The following ATG9B variants were observed in gnomAD, a reference collection of about 807,000 sequenced individuals.
The protein encoded by ATG9B is autophagy-related protein 9B.
In ATG9B, 92 loss-of-function variants were observed where a neutral mutation model predicts 92.9. The observed-to-expected ratio is 0.99, with a 90% confidence interval of 0.84 to 1.18. The LOEUF (loss-of-function observed/expected upper bound fraction) is 1.18, where lower values mean the gene tolerates loss of function less well. Among genes scored for constraint, ATG9B ranks in the 50% most tolerant of loss-of-function variants. The probability of loss-of-function intolerance (pLI) is 0.00; values close to 1 mark genes in which losing one functional copy is unlikely to be tolerated. For synonymous variants in ATG9B, 599 were observed against 551.4 expected (o/e 1.09, Z -1.21); for missense variants, 1,344 against 1,235.0 (o/e 1.09, Z -1.32).
downstream of ATG9B, chr7:151,014,613 G>GT (rs1016402988): frequency 0.025 from 3,346 of 134,290 alleles, 89 homozygotes; most frequent in African/African-American, 0.072. Context: ...TTTTTTTTTT[G>GT]TTTTTTTTTT....
chr7:151,013,438 C>T (rs935103188), downstream of ATG9B: 3 of 1,548,688 alleles, frequency 1.9e-6, no homozygotes, highest in South Asian at 1.2e-5. Flanking sequence ...GGAGGACTCG[C>T]GCTCTCCAGC....
At chr7:151,022,466 G>GAT (rs1285568446) in intron 4 of ATG9B, among the ~76,000 whole-genome samples, 13 of 151,028 alleles carry the variant, frequency 8.6e-5, no homozygotes, top group African/African-American at 2.9e-4. Context: ...GTAAAATGTG[G>GAT]ATAGATACGA....
At position 151,024,443 on chromosome 7, in the gene ATG9B, A is replaced by G. The variant is rs1795884371; in HGVS notation, c.-20T>C. ...CACCATCAGGCCACGGCTTCTCCAG[A>G]AAGGTTGGAAGGATGGGAGCTGTTG... On this transcript the variant is annotated 5_prime_UTR_variant, in exon 1 of 14. Transcript: ENST00000639579. 7.5e-7 allele frequency: 1 copy of G among 1,326,368 alleles called. No individual in the cohort carries two copies. Among genetic ancestry groups the G allele is most frequent in the Admixed American group, 3.2e-5 (1 of 31,494 alleles). 82.2% of individuals were successfully genotyped at this position (1,326,368 alleles called of 1,614,324 possible).
rs1795458148 is a variant in ATG9B, at chr7:151,015,881, C to T, written c.*14+1G>A. 1 of 1,550,640 alleles carries T rather than the reference C, an allele frequency of 6.4e-7. No homozygotes were observed. Among genetic ancestry groups the T allele is most frequent in the Non-Finnish European group, 8.7e-7 (1 of 1,146,518 alleles). ...CTCCCCTCACAGGAGGCAATACTGA[C>T]CCTGAGGAGTCGTCTCAGTCAGTGC... On this transcript the variant is annotated splice_donor_variant, in intron 13 of 13. Coordinates refer to ENST00000639579, the MANE Select transcript of ATG9B (RefSeq NM_001317056.2). LOFTEE classifies it low-confidence loss of function (3UTR_SPLICE).
In ATG9B at chr7:151,023,869, C is replaced by A. The variant is rs1446758491; in HGVS notation, c.550+5G>T. ...ACCCTCTCCCACCCACACCCACACA[C>A]ATACCTCGGAGCCCTTCAGGGACAT... is the stretch of plus-strand genomic sequence containing the variant. On this transcript the variant is annotated splice_donor_5th_base_variant and intron_variant, in intron 1 of 13. Coordinates refer to ENST00000639579, the MANE Select transcript of ATG9B (RefSeq NM_001317056.2). The A allele has an allele frequency of 6.2e-7, 1 of 1,610,918 alleles. No individual in the cohort carries two copies. The highest frequency in any genetic ancestry group is 8.5e-7 in the Non-Finnish European group (1 of 1,178,746).
rs2117180132 is a variant in ATG9B at position 151,024,058 on chromosome 7, C to G, written c.366G>C (p.Leu122=). Residue 122 remains leucine, a synonymous_variant, in exon 1 of 14, where the codon CTG becomes CTC. Coordinates refer to ENST00000639579, the MANE Select transcript of ATG9B (RefSeq NM_001317056.2). The part of the protein sequence containing the change: ...PSWGSHSTPP[L]APATPTPSQQ... Reference sequence around the variant, plus strand: ...GTGAGGGAGTGGGGGTTGCCGGGGCCAGGGGTGGGGTGGAGTGGGATCCCC... The same window carrying G: ...GTGAGGGAGTGGGGGTTGCCGGGGCGAGGGGTGGGGTGGAGTGGGATCCCC... The G allele has an allele frequency of 1.3e-6, 2 of 1,591,498 alleles. No individual in the cohort carries two copies. The highest frequency in any genetic ancestry group is 1.7e-6 in the Non-Finnish European group (2 of 1,169,356).
chr7:151,021,838 A>G (rs926638016), intron 4 of ATG9B, among the ~76,000 whole-genome samples: 11 of 150,700 alleles, frequency 7.3e-5, no homozygotes, highest in Non-Finnish European at 1.3e-4. Context: ...TTTAGTAGAG[A>G]CAGGGTTTCA....
rs1208501523 is a variant in ATG9B, at chr7:151,019,007, G to A, written c.1331C>T (p.Ala444Val). 2 of 1,562,868 alleles carry A rather than the reference G, an allele frequency of 1.3e-6. No individual in the cohort carries two copies. The highest frequency in any genetic ancestry group is 2.7e-5 in the African/African-American group (2 of 73,300). ...RWGRTVLLLAALNLALSPLVL... is the reference protein window; with the variant it reads ...RWGRTVLLLAVLNLALSPLVL... ...CAGCGGGCTCAGCGCCAGGTTCAGG[G>A]CGGCCAGCAGCAGCACTGTGCGCCC... The change falls in exon 6 of 14, where the codon GCC (alanine) becomes GTC (valine). Residue 444 changes from alanine to valine, a missense_variant. Coordinates refer to ENST00000639579, the MANE Select transcript of ATG9B (RefSeq NM_001317056.2).
rs777257849 is a variant in ATG9B at position 151,017,942 on chromosome 7, CAGTGA to C, written c.1976_1980del (p.Phe659CysfsTer32). On this transcript the variant is annotated frameshift_variant, in exon 8 of 14. Transcript: ENST00000639579. LOFTEE classifies it high-confidence loss of function. ...ATGTCCCCAACCCCAGCCACATCCA[CAGTGA>C]AGTGATGAAAAAAGTCGATAATCTC... 1 of 1,609,666 alleles carries C rather than the reference CAGTGA, an allele frequency of 6.2e-7. No homozygotes were observed. Among genetic ancestry groups the C allele is most frequent in the Non-Finnish European group, 8.5e-7 (1 of 1,177,992 alleles).
chr7:151,020,562 G>A (rs1175444448), intron 5 of ATG9B, among the ~76,000 whole-genome samples: 1 of 152,232 alleles, frequency 6.6e-6, no homozygotes, highest in African/African-American at 2.4e-5. Flanking sequence ...AGGGGAGCAA[G>A]GGAAGCAAGC....
Position 151,018,897 on chromosome 7 carries a change from A to T in ATG9B, c.1441T>A (p.Trp481Arg). Residue 481 changes from tryptophan (W) to arginine (R), a missense_variant, in exon 6 of 14, where the codon TGG (tryptophan) becomes AGG (arginine). Trp to Arg is a moderately radical substitution (Grantham distance 101). Coordinates refer to ENST00000639579, the MANE Select transcript of ATG9B (RefSeq NM_001317056.2). This position sits in a 1 kb window ranked among gnomAD's most constrained non-coding sequence, Gnocchi z 4.7. The part of the protein sequence containing the change: ...REPGALGARG[W>R]SRLARLQLRH... ...AGCTGCAAGCGCGCCAGGCGGGACC[A>T]GCCGCGCGCCCCCAGCGCGCCAGGC... 1 of 1,463,174 alleles carries T rather than the reference A, an allele frequency of 6.8e-7. No individual in the cohort carries two copies. The highest frequency in any genetic ancestry group is 9.0e-7 in the Non-Finnish European group (1 of 1,116,280). 90.6% of individuals were successfully genotyped at this position (1,463,174 alleles called of 1,614,324 possible).
In ATG9B at chr7:151,017,219, G is replaced by A. The variant is rs1238049108; in HGVS notation, c.2106C>T (p.Gly702=). The change falls in exon 9 of 14, where the codon GGC becomes GGT. Residue 702 remains glycine, a synonymous_variant. Coordinates refer to ENST00000639579, the MANE Select transcript of ATG9B (RefSeq NM_001317056.2). ...ACCGCATCAAAGAAAGCTCAGTCTTGCCGTCCTCCGCACGCTGAGACAGCG... is the reference window on the plus strand; with the variant it reads ...ACCGCATCAAAGAAAGCTCAGTCTTACCGTCCTCCGCACGCTGAGACAGCG... ...EASLSQRAED[G]KTELSLMRFS... 1.2e-6 allele frequency: 2 copies of A among 1,611,746 alleles called. No individual in the cohort carries two copies. The highest frequency in any genetic ancestry group is 1.1e-5 in the South Asian group (1 of 90,954).
rs1411725906 is a variant in ATG9B at position 151,015,236 on chromosome 7, A to C, written c.*492T>G. On this transcript the variant is annotated 3_prime_UTR_variant, in exon 14 of 14. Transcript: ENST00000639579. The stretch of plus-strand genomic sequence containing the variant: ...TTCCTGGGACATCACACCCGTACTG[A>C]AGTCCAAAAACATCATCCCTCCCGT... The C allele has an allele frequency of 1.3e-5, 2 of 152,268 alleles. No homozygotes were observed. The highest frequency in any genetic ancestry group is 2.9e-5 in the Non-Finnish European group (2 of 68,090). 9.4% of individuals were successfully genotyped at this position (152,268 alleles called of 1,614,324 possible).
At position 151,015,888 on chromosome 7, in the gene ATG9B, G is replaced by A. The variant is rs1479040473; in HGVS notation, c.*8C>T. Reference sequence around the variant, plus strand: ...CACAGGAGGCAATACTGACCCTGAGGAGTCGTCTCAGTCAGTGCAAGAGGC... The same window carrying A: ...CACAGGAGGCAATACTGACCCTGAGAAGTCGTCTCAGTCAGTGCAAGAGGC... On this transcript the variant is annotated 3_prime_UTR_variant, in exon 13 of 14. Coordinates refer to ENST00000639579, the MANE Select transcript of ATG9B (RefSeq NM_001317056.2). The A allele has an allele frequency of 6.4e-7, 1 of 1,550,986 alleles. No homozygotes were observed.
chr7:151,018,112 CCAAG>C lies in ATG9B; in HGVS notation c.1873-66_1873-63del. 6.7e-7 allele frequency: 1 copy of C among 1,502,176 alleles called. No individual in the cohort carries two copies. Among genetic ancestry groups the C allele is most frequent in the Non-Finnish European group, 8.9e-7 (1 of 1,123,344 alleles). The allele number at this position is 1,502,176 out of a possible 1,614,324, so 93.1% of individuals were successfully genotyped here. A position where few individuals can be genotyped will look rare whatever the true frequency, so the allele number is the denominator to read the frequency against. The stretch of plus-strand genomic sequence containing the variant: ...GAGGGGCCCACGCGCGTTATCAGGA[CCAAG>C]CAGTCCCCAGCGACCCTCGCCAGGG... On this transcript the variant is annotated intron_variant, in intron 7 of 13. Transcript: ENST00000639579. The surrounding 1 kb of genome is among the most constrained non-coding windows in gnomAD (Gnocchi z 4.7).
downstream of ATG9B, chr7:151,013,950 G>A (rs1331618412): frequency 3.1e-6 from 5 of 1,603,374 alleles, no homozygotes; most frequent in Non-Finnish European, 3.4e-6. Flanking sequence ...CTGAGCGTGC[G>A]GGGTTCCTGC....
chr7:151,019,294 C>A lies in ATG9B; in HGVS notation c.1044G>T (p.Gln348His). ...ALQRSGGLCVQPRPLTELDIH... is the reference protein window; with the variant it reads ...ALQRSGGLCVHPRPLTELDIH... ...TGTCCAGCTCCGTCAGGGGCCGCGG[C>A]TGCACGCACAGGCCCCCGCTCCGCT... Residue 348 changes from glutamine (Q) to histidine (H), a missense_variant, in exon 6 of 14, where the codon CAG becomes CAT. Transcript: ENST00000639579. 1 of 1,590,028 alleles carries A rather than the reference C, an allele frequency of 6.3e-7. No individual in the cohort carries two copies. The highest frequency in any genetic ancestry group is 8.5e-7 in the Non-Finnish European group (1 of 1,175,440).
rs934293863 is a variant in ATG9B at position 151,018,225 on chromosome 7, G to A, written c.1872+69C>T. 2.0e-5 allele frequency: 30 copies of A among 1,486,912 alleles called. No homozygotes were observed. The highest frequency in any genetic ancestry group is 1.1e-4 in the South Asian group (8 of 74,342). The allele number at this position is 1,486,912 out of a possible 1,614,324, so 92.1% of individuals were successfully genotyped here. A position where few individuals can be genotyped will look rare whatever the true frequency, so the allele number is the denominator to read the frequency against. ...GCCCTCTCCCAGACAGACCCTCCGC[G>A]CAGACAGACCCTCCGCGCAGACAGA... is the stretch of plus-strand genomic sequence containing the variant. On this transcript the variant is annotated intron_variant, in intron 7 of 13. Transcript: ENST00000639579. This position sits in a 1 kb window ranked among gnomAD's most constrained non-coding sequence, Gnocchi z 4.7.
intron 8 of ATG9B, 27 bp downstream of exon 8, chr7:151,017,844 C>T: frequency 1.9e-6 from 3 of 1,542,930 alleles, no homozygotes; most frequent in African/African-American, 1.4e-5. Context: ...CCAGCCCAAA[C>T]CCCCAGGGCC....
Sources: allele counts gnomAD v4.1 joint callset (sites outside exome capture counted in the v4.1 genomes callset), GRCh38; gene constraint gnomAD v4.1.1; non-coding constraint Gnocchi (gnomAD v3.1); transcripts MANE v1.5; gene names NCBI Gene and HGNC (gene_info 2026-07-23, HGNC 2026-07-21).